The following ARHGAP32 variants were observed in gnomAD, a reference collection of about 807,000 sequenced individuals.
ARHGAP32 encodes rho GTPase-activating protein 32.
ARHGAP32 carries 51 observed loss-of-function variants against 186.5 expected under a neutral mutation model. The observed-to-expected ratio is 0.27, with a 90% CI of 0.22 to 0.35. The LOEUF (loss-of-function observed/expected upper bound fraction) is 0.35, where lower values mean the gene tolerates loss of function less well. Ranked by LOEUF, ARHGAP32 falls within the 10% of genes least tolerant of loss-of-function variation. The pLI, the probability that ARHGAP32 is intolerant of heterozygous loss-of-function variation, is 1.00. For synonymous variants in ARHGAP32, 950 were observed against 964.3 expected (o/e 0.99, Z 0.27); for missense variants, 2,186 against 2,623.5 (o/e 0.83, Z 3.64).
chr11:128,979,822 T>C (rs1945657549), intron 18 of ARHGAP32, among the ~76,000 whole-genome samples: 1 of 152,220 alleles, frequency 6.6e-6, no homozygotes, highest in Admixed American at 6.5e-5. Context: ...ACATCAAAAA[T>C]AACTTTTACA....
chr11:129,034,847 A>G (rs1294223267), intron 11 of ARHGAP32, among the ~76,000 whole-genome samples: 4 of 91,360 alleles, frequency 4.4e-5, no homozygotes, highest in Admixed American at 3.8e-4. Flanking sequence ...AAAAGAAAAC[A>G]GAGTAAAAAA....
chr11:129,085,627 G>A (rs959106004), intron 6 of ARHGAP32, among the ~76,000 whole-genome samples: 1 of 152,030 alleles, frequency 6.6e-6, no homozygotes, highest in African/African-American at 2.4e-5. Context: ...AGAAGCAAAA[G>A]ACCCAGAAAA....
At chr11:129,102,745 C>G (rs543675660) in intron 5 of ARHGAP32, among the ~76,000 whole-genome samples, 1 of 152,216 alleles carries the variant, frequency 6.6e-6, no homozygotes, top group Non-Finnish European at 1.5e-5. Flanking sequence ...GACTAAAACC[C>G]TTGTACATTG....
chr11:128,978,579 A>G (rs939971086), intron 19 of ARHGAP32, among the ~76,000 whole-genome samples, 191 bp downstream of exon 19: 4 of 152,212 alleles, frequency 2.6e-5, no homozygotes, highest in African/African-American at 9.7e-5. Context: ...GCATACTTCT[A>G]CATATTTATA....
rs569655145 is a variant in ARHGAP32 at position 129,018,016 on chromosome 11, CTTTG to C, written c.1046-19552_1046-19549del. On this transcript the variant is annotated intron_variant, in intron 11 of 22. Coordinates refer to ENST00000682385, the MANE Select transcript of ARHGAP32 (RefSeq NM_001378024.1). ...AACTACTTTCTTTTCTTGCTTCTGA[CTTTG>C]TTTTTTATTATTATTTTTATTTATT... 4.4e-3 allele frequency among the ~76,000 whole-genome samples: 674 copies of C among 152,026 alleles called. 3 individuals carry two copies. The highest frequency in any genetic ancestry group is 0.014 in the African/African-American group (574 of 41,524).
At chr11:129,090,109 A>G (rs920159071) in intron 6 of ARHGAP32, among the ~76,000 whole-genome samples, 10 of 152,236 alleles carry the variant, frequency 6.6e-5, no homozygotes, top group African/African-American at 2.4e-4. Flanking sequence ...TCACAGAAGC[A>G]TTATGAGGTT....
intron 1 of ARHGAP32, among the ~76,000 whole-genome samples, chr11:129,207,602 G>C (rs1295223362): frequency 6.6e-6 from 1 of 151,218 alleles, no homozygotes; most frequent in Non-Finnish European, 1.5e-5. Flanking sequence ...ATATAAATTT[G>C]TTTAATTTCT....
intron 11 of ARHGAP32, among the ~76,000 whole-genome samples, chr11:129,040,398 A>G (rs1939543436): frequency 6.6e-6 from 1 of 152,170 alleles, no homozygotes; most frequent in South Asian, 2.1e-4. Flanking sequence ...CCAAAACTAA[A>G]TCACCTCAAT....
At chr11:129,159,980 T>C (rs1943495528) in intron 2 of ARHGAP32, among the ~76,000 whole-genome samples, 1 of 151,980 alleles carries the variant, frequency 6.6e-6, no homozygotes. Context: ...ACCAATGACA[T>C]AAACAGAACT....
chr11:129,261,873 T>C (rs1204996448), intron 1 of ARHGAP32, among the ~76,000 whole-genome samples: 2 of 152,158 alleles, frequency 1.3e-5, no homozygotes, highest in African/African-American at 2.4e-5. Context: ...TAAAATGCAA[T>C]AGTATATAGA....
chr11:129,173,964 C>T (rs1215533342), intron 1 of ARHGAP32, among the ~76,000 whole-genome samples: 4 of 152,304 alleles, frequency 2.6e-5, no homozygotes, highest in South Asian at 4.1e-4. Flanking sequence ...GGAACAGCTC[C>T]GGTCCACAGC....
intron 15 of ARHGAP32, 138 bp from the exon 16 acceptor site, chr11:128,982,074 T>C (rs906304753): frequency 1.5e-5 from 8 of 520,990 alleles, no homozygotes; most frequent in African/African-American, 7.9e-5. Flanking sequence ...AACTTTTTTT[T>C]CCTGCTTAAC....
intron 1 of ARHGAP32, among the ~76,000 whole-genome samples, chr11:129,211,882 T>G (rs1332810090): frequency 6.6e-6 from 1 of 152,156 alleles, no homozygotes; most frequent in African/African-American, 2.4e-5. Context: ...TGGCCAGGTG[T>G]GGTGGCTCAC....
At chr11:129,189,663 G>GT (rs1944236202) in intron 1 of ARHGAP32, among the ~76,000 whole-genome samples, 1 of 152,198 alleles carries the variant, frequency 6.6e-6, no homozygotes, top group Non-Finnish European at 1.5e-5. Flanking sequence ...TGAAAGATCT[G>GT]TGAGTCAATG....
intron 11 of ARHGAP32, among the ~76,000 whole-genome samples, chr11:129,032,920 C>T (rs1383673838): frequency 4.6e-5 from 7 of 152,222 alleles, no homozygotes; most frequent in African/African-American, 1.7e-4. Context: ...TCCTGCCCAT[C>T]CCAATCACTG....
chr11:129,081,325 G>A (rs554870694), intron 6 of ARHGAP32, among the ~76,000 whole-genome samples: 7 of 151,956 alleles, frequency 4.6e-5, no homozygotes, highest in South Asian at 4.2e-4. Flanking sequence ...GAAAACTACA[G>A]ACCAATATCC....
At chr11:129,235,900 AACACACACACACAC>A (rs57291313) in intron 1 of ARHGAP32, among the ~76,000 whole-genome samples, 10 of 145,660 alleles carry the variant, frequency 6.9e-5, no homozygotes, top group African/African-American at 1.5e-4. Context: ...GTCATTCATA[AACACACACACACAC>A]ACACACACAC....
chr11:128,981,813 G>C lies in ARHGAP32; in HGVS notation c.1634+16C>G, dbSNP rs1403466610. ...GGATTAGTTCTACTAAAATTAATAA[G>C]TGAAATGCAAATTACCTTAACAGGT... On this transcript the variant is annotated intron_variant, in intron 16 of 22. Transcript: ENST00000682385. 1.3e-6 allele frequency: 2 copies of C among 1,554,924 alleles called. No homozygotes were observed. The highest frequency in any genetic ancestry group is 2.3e-5 in the South Asian group (2 of 87,422).
chr11:129,036,831 G>A (rs1367886448), intron 11 of ARHGAP32, among the ~76,000 whole-genome samples: 1 of 152,134 alleles, frequency 6.6e-6, no homozygotes, highest in Non-Finnish European at 1.5e-5. Context: ...TTGTACTTGA[G>A]ATTTATATTC....
Sources: gnomAD v4.1 joint callset for allele counts (sites outside exome capture counted in the v4.1 genomes callset) on GRCh38, gnomAD v4.1.1 for gene constraint, MANE v1.5 for transcripts, NCBI Gene and HGNC (gene_info 2026-07-23, HGNC 2026-07-21) for gene names.